The following PPIP5K1 variants were observed in gnomAD, a reference collection of about 807,000 sequenced individuals.
PPIP5K1 encodes the protein inositol hexakisphosphate and diphosphoinositol-pentakisphosphate kinase 1.
In PPIP5K1, 6 loss-of-function variants were observed where a neutral mutation model predicts 27.7. The observed-to-expected ratio is 0.22, with a 90% CI of 0.12 to 0.43. The LOEUF (loss-of-function observed/expected upper bound fraction) is 0.43. Ranked by LOEUF, PPIP5K1 falls within the 20% of genes least tolerant of loss-of-function variation. The probability of loss-of-function intolerance (pLI) is 1.00; values close to 1 mark genes in which losing one functional copy is unlikely to be tolerated. For synonymous variants in PPIP5K1, 145 were observed against 242.6 expected (o/e 0.60, Z 3.74); for missense variants, 394 against 635.4 (o/e 0.62, Z 4.08).
At chr15:43,579,639 A>G (rs1456668859) in intron 10 of PPIP5K1, among the ~76,000 whole-genome samples, 7 of 57,744 alleles carry the variant, frequency 1.2e-4, no homozygotes, top group African/African-American at 1.8e-4. Context: ...GTGTATATAT[A>G]TATATATATA....
At chr15:43,556,583 T>A (rs1226916846) in intron 30 of PPIP5K1, among the ~76,000 whole-genome samples, 1 of 151,664 alleles carries the variant, frequency 6.6e-6, no homozygotes, top group Non-Finnish European at 1.5e-5. Flanking sequence ...GCACAGGTTG[T>A]TCATTTGCCT....
chr15:43,537,344 CAAAAAAAAAAAAAA>C (rs375557879), intron 31 of PPIP5K1: 7 of 83,510 alleles, frequency 8.4e-5, no homozygotes, highest in Non-Finnish European at 1.0e-4. Flanking sequence ...GACTCCACCT[CAAAAAAAAAAAAAA>C]AAAAAAAAAA....
intron 30 of PPIP5K1, among the ~76,000 whole-genome samples, chr15:43,557,172 G>T (rs1401072410): frequency 6.6e-6 from 1 of 152,170 alleles, no homozygotes; most frequent in Non-Finnish European, 1.5e-5. Context: ...CTGGCTGGGT[G>T]TGGTGGCTCA....
At chr15:43,559,009 T>A (rs1381211401) in intron 29 of PPIP5K1, 77 bp from the exon 30 acceptor site, 2 of 1,569,960 alleles carry the variant, frequency 1.3e-6, no homozygotes, top group African/African-American at 1.3e-5. Context: ...GCATGGAGAG[T>A]CCCTGAGAGC....
rs1460001095 is a variant in PPIP5K1, at chr15:43,535,426, T to C, written c.3721A>G (p.Thr1241Ala). ...TVSSAGPSSP[T>A]TVDGNSQFGF... is the part of the protein sequence containing the mutation. ...AATTGGGAGTTACCATCTACTGTAGTAGGGGAAGAAGGACCAGCACTGGAC... is the reference window on the plus strand; with the variant it reads ...AATTGGGAGTTACCATCTACTGTAGCAGGGGAAGAAGGACCAGCACTGGAC... The change falls in exon 32 of 32, where the codon ACT (threonine) becomes GCT (alanine). Residue 1241 changes from threonine to alanine, a missense_variant. Around this residue, in one of 4 missense-constraint regions of PPIP5K1, gnomAD observed 379 missense variants for 423.9 expected, o/e 0.89. Coordinates refer to ENST00000420765, the MANE Select transcript of PPIP5K1 (RefSeq NM_001394395.1). 9.9e-6 allele frequency: 16 copies of C among 1,611,506 alleles called. No individual in the cohort carries two copies. Among genetic ancestry groups the C allele is most frequent in the Admixed American group, 5.0e-5 (3 of 59,738 alleles).
Position 43,535,186 on chromosome 15 carries a change from T to C in PPIP5K1, c.3961A>G (p.Ile1321Val). The C allele has an allele frequency of 6.2e-7, 1 of 1,613,502 alleles. No homozygotes were observed. Among genetic ancestry groups the C allele is most frequent in the African/African-American group, 1.3e-5 (1 of 74,806 alleles). Residue 1321 changes from isoleucine (I) to valine (V), a missense_variant, in exon 32 of 32, where the codon ATC becomes GTC. Around this residue, in one of 4 missense-constraint regions of PPIP5K1, gnomAD observed 379 missense variants for 423.9 expected, o/e 0.89. Transcript: ENST00000420765. ...GAAATGTCCTGGCATGGCTGGCTGA[T>C]GTCAGGGACCTCCTGACATGGCTGG... is the stretch of plus-strand genomic sequence containing the variant. ...VSQPCQEVPD[I>V]SQPCQDISEA...
At chr15:43,547,964 G>C (rs1436095418) in intron 30 of PPIP5K1, among the ~76,000 whole-genome samples, 1 of 152,148 alleles carries the variant, frequency 6.6e-6, no homozygotes, top group African/African-American at 2.4e-5. Flanking sequence ...ACAATATCAT[G>C]TCTTCAACAT....
chr15:43,549,645 C>A (rs2081944167), intron 30 of PPIP5K1, among the ~76,000 whole-genome samples: 1 of 151,108 alleles, frequency 6.6e-6, no homozygotes, highest in African/African-American at 2.4e-5. Context: ...AGAGCAACAA[C>A]CTGTCTTAAA....
rs111606898 is a variant in PPIP5K1 at position 43,543,466 on chromosome 15, G to A, written c.3557-3883C>T. ...AAACAAAAAAAAAACTCCTGGGATG[G>A]AGAGTAATTTCTACAAAGCTTTAAA... On this transcript the variant is annotated intron_variant, in intron 30 of 31. Transcript: ENST00000420765. 6.5e-3 allele frequency among the ~76,000 whole-genome samples: 981 copies of A among 151,866 alleles called. 8 individuals carry two copies. The highest frequency in any genetic ancestry group is 0.022 in the African/African-American group (931 of 41,422).
intron 31 of PPIP5K1, among the ~76,000 whole-genome samples, chr15:43,539,146 C>T (rs1352798557): frequency 6.6e-6 from 1 of 151,196 alleles, no homozygotes; most frequent in East Asian, 2.0e-4. Context: ...GGGAGGCAGA[C>T]GTTGCAGTGA....
chr15:43,536,072 A>G, intron 31 of PPIP5K1: 1 of 1,276,948 alleles, frequency 7.8e-7, no homozygotes, highest in South Asian at 1.2e-5. Flanking sequence ...CCCAAATGAT[A>G]AGTTGGCAGA....
intron 30 of PPIP5K1, among the ~76,000 whole-genome samples, chr15:43,544,205 G>C (rs2081108889): frequency 6.6e-6 from 1 of 151,940 alleles, no homozygotes; most frequent in Non-Finnish European, 1.5e-5. Context: ...TATACTTCTA[G>C]CAAGTATTTT....
intron 30 of PPIP5K1, among the ~76,000 whole-genome samples, chr15:43,558,383 G>A (rs181980965): frequency 8.6e-5 from 13 of 152,000 alleles, no homozygotes; most frequent in African/African-American, 2.2e-4. Flanking sequence ...GCACACCACC[G>A]CACCCAGCTA....
At position 43,534,616 on chromosome 15, in the gene PPIP5K1, C is replaced by T. The variant is rs2079579766; in HGVS notation, c.*58G>A. ...TTTGGATCACCAGATGGATGCTGGG[C>T]TTGAGGAATACCCTCTCCAGGCAGC... On this transcript the variant is annotated 3_prime_UTR_variant, in exon 32 of 32. Coordinates refer to ENST00000420765, the MANE Select transcript of PPIP5K1 (RefSeq NM_001394395.1). 1.4e-6 allele frequency: 2 copies of T among 1,447,120 alleles called. No homozygotes were observed. The highest frequency in any genetic ancestry group is 4.7e-5 in the Admixed American group (2 of 42,362). 89.6% of individuals were successfully genotyped at this position (1,447,120 alleles called of 1,614,324 possible). A position where few individuals can be genotyped will look rare whatever the true frequency, so the allele number is the denominator to read the frequency against.
intron 30 of PPIP5K1, among the ~76,000 whole-genome samples, chr15:43,542,307 G>C (rs972274115): frequency 7.9e-5 from 12 of 151,218 alleles, no homozygotes; most frequent in Non-Finnish European, 1.2e-4. Flanking sequence ...TTGGCGGGGG[G>C]GGGGGGCAGA....
intron 31 of PPIP5K1, among the ~76,000 whole-genome samples, chr15:43,535,741 T>G (rs906569287): frequency 1.3e-5 from 2 of 152,194 alleles, no homozygotes; most frequent in Non-Finnish European, 2.9e-5. Flanking sequence ...CATCTGGTTC[T>G]TTCACAAATA....
At chr15:43,545,197 T>TG (rs1567027136) in intron 30 of PPIP5K1, among the ~76,000 whole-genome samples, 1 of 147,112 alleles carries the variant, frequency 6.8e-6, no homozygotes, top group Non-Finnish European at 1.5e-5. Flanking sequence ...AAAAAAAAAG[T>TG]GGATTATTGG....
In PPIP5K1 at chr15:43,549,525, T is replaced by C. The variant is rs546202376; in HGVS notation, c.3556+9270A>G. ...AAAATTAGCCAGCCGTGGTGGCACA[T>C]GCCTGTGGTCCTACCTACTTGGGAG... On this transcript the variant is annotated intron_variant, in intron 30 of 31. Coordinates refer to ENST00000420765, the MANE Select transcript of PPIP5K1 (RefSeq NM_001394395.1). Among the ~76,000 whole-genome samples the C allele has an allele frequency of 3.0e-4, 45 of 151,986 alleles. No individual in the cohort carries two copies. The South Asian group carries it at 8.7e-3, about 29-fold the overall frequency.
chr15:43,558,934 T>C lies in PPIP5K1; in HGVS notation c.3419-2A>G, dbSNP rs2083412732. ...GCACCATGGAACACCCTTCAAACCC[T>C]GTTTGAAAAGAGATGGGCAAAGTCA... is the stretch of plus-strand genomic sequence containing the variant. On this transcript the variant is annotated splice_acceptor_variant, in intron 29 of 31. Transcript: ENST00000420765. LOFTEE classifies it high-confidence loss of function. 6.2e-7 allele frequency: 1 copy of C among 1,613,210 alleles called. No homozygotes were observed. Among genetic ancestry groups the C allele is most frequent in the African/African-American group, 1.3e-5 (1 of 75,026 alleles).
Sources: allele counts gnomAD v4.1 joint callset (sites outside exome capture counted in the v4.1 genomes callset), GRCh38; gene constraint gnomAD v4.1.1; regional missense constraint gnomAD v4.1.1; transcripts MANE v1.5; gene names NCBI Gene and HGNC (gene_info 2026-07-23, HGNC 2026-07-21).